Variants in RBP2 observed in about 807,000 individuals in gnomAD.
The protein encoded by RBP2 is retinol-binding protein 2.
A neutral mutation model predicts 17.0 loss-of-function variants in RBP2; 17 were observed. The observed-to-expected ratio is 1.00, with a 90% CI of 0.68 to 1.50. The LOEUF (loss-of-function observed/expected upper bound fraction) is 1.50. Among genes scored for constraint, RBP2 ranks in the 40% most tolerant of loss-of-function variants. The pLI is 0.00. For missense variants in RBP2, 158 were observed against 168.2 expected (o/e 0.94, Z 0.33); for synonymous variants, 48 against 57.1 (o/e 0.84, Z 0.72).
At chr3:139,457,892 G>A (rs1933032620) in intron 2 of RBP2, among the ~76,000 whole-genome samples, 1 of 152,140 alleles carries the variant, frequency 6.6e-6, no homozygotes, top group Non-Finnish European at 1.5e-5. Flanking sequence ...AGCTAACATT[G>A]CTTAAAACAG....
chr3:139,469,468 G>C (rs543801841), intron 1 of RBP2, among the ~76,000 whole-genome samples: 2 of 152,248 alleles, frequency 1.3e-5, no homozygotes, highest in East Asian at 1.9e-4. Context: ...TGCAAGGGGA[G>C]ACTTGTACAA....
chr3:139,454,629 G>C, intron 3 of RBP2, 100 bp downstream of exon 3: 2 of 1,080,576 alleles, frequency 1.9e-6, no homozygotes, highest in Non-Finnish European at 2.8e-6. Context: ...GCTCGGGGTA[G>C]GAGTGCAGGG....
chr3:139,472,409 G>A (rs2107883824), intron 1 of RBP2, among the ~76,000 whole-genome samples: 1 of 152,326 alleles, frequency 6.6e-6, no homozygotes, highest in South Asian at 2.1e-4. Flanking sequence ...TTGAATGCAG[G>A]CAGGCTTGTA....
chr3:139,469,727 A>G (rs916787269), intron 1 of RBP2, among the ~76,000 whole-genome samples: 2 of 150,258 alleles, frequency 1.3e-5, no homozygotes, highest in African/African-American at 2.5e-5. Context: ...CTATCTATCT[A>G]TCTATCTACC....
At chr3:139,468,581 G>A (rs576847872) in intron 1 of RBP2, among the ~76,000 whole-genome samples, 2 of 152,266 alleles carry the variant, frequency 1.3e-5, no homozygotes, top group East Asian at 3.9e-4. Context: ...CCCAGGGAAG[G>A]TAGCCAAATG....
chr3:139,468,008 A>G (rs1933422435), intron 1 of RBP2, among the ~76,000 whole-genome samples: 1 of 152,230 alleles, frequency 6.6e-6, no homozygotes, highest in African/African-American at 2.4e-5. Flanking sequence ...GAGCTGTGCT[A>G]AACCATACTT....
At position 139,465,939 on chromosome 3, in the gene RBP2, C is replaced by T. The variant is rs111699760; in HGVS notation, c.74-3649G>A. On this transcript the variant is annotated intron_variant, in intron 1 of 3. Transcript: ENST00000232217. ...GTGTGGGGAGAGACGAACGGTCTCTCGGCTGCCTTTGGTTCTGTGAATTCC... is the reference window on the plus strand; with the variant it reads ...GTGTGGGGAGAGACGAACGGTCTCTTGGCTGCCTTTGGTTCTGTGAATTCC... Among the ~76,000 whole-genome samples, 6 of 152,260 alleles carry T rather than the reference C, an allele frequency of 3.9e-5. No individual in the cohort carries two copies. In the South Asian group the frequency reaches 8.3e-4, roughly 21 times the overall value.
chr3:139,469,732 T>TCTATCTATCTATCTAC (rs1186144730), intron 1 of RBP2, among the ~76,000 whole-genome samples: 2 of 150,164 alleles, frequency 1.3e-5, no homozygotes, highest in South Asian at 2.1e-4. Context: ...TATCTATCTA[T>TCTATCTATCTATCTAC]CTACCTACTC....
chr3:139,453,277 G>A, intron 3 of RBP2, 111 bp from the exon 4 acceptor site: 1 of 1,194,926 alleles, frequency 8.4e-7, no homozygotes, highest in Non-Finnish European at 1.2e-6. Context: ...AGGACACTTA[G>A]GTATTCTGGG....
chr3:139,453,446 A>G (rs1245247009), intron 3 of RBP2, among the ~76,000 whole-genome samples: 1 of 152,248 alleles, frequency 6.6e-6, no homozygotes, highest in East Asian at 1.9e-4. Flanking sequence ...TTAAAGTAAC[A>G]TGACCTAATT....
At chr3:139,453,201 G>A in intron 3 of RBP2, 35 bp from the exon 4 acceptor site, 1 of 1,613,104 alleles carries the variant, frequency 6.2e-7, no homozygotes, top group Non-Finnish European at 8.5e-7. Context: ...GGTCTAACAA[G>A]CCAGGCCTTT....
intron 1 of RBP2, among the ~76,000 whole-genome samples, chr3:139,470,888 C>T (rs1933543290): frequency 6.6e-6 from 1 of 152,074 alleles, no homozygotes; most frequent in South Asian, 2.1e-4. Flanking sequence ...CACCTGGCTT[C>T]ATGTTCTTGA....
At chr3:139,473,618 T>C (rs896399974) in intron 1 of RBP2, among the ~76,000 whole-genome samples, 2 of 152,152 alleles carry the variant, frequency 1.3e-5, no homozygotes, top group African/African-American at 4.8e-5. Context: ...GACATCTCAG[T>C]GTTGGGAAAG....
intron 1 of RBP2, among the ~76,000 whole-genome samples, chr3:139,471,134 G>A (rs367838236): frequency 5.9e-5 from 9 of 152,048 alleles, no homozygotes; most frequent in East Asian, 1.9e-4. Flanking sequence ...CAGGGAACTC[G>A]TCTCCTCATT....
At chr3:139,453,789 T>G (rs180699501) in intron 3 of RBP2, among the ~76,000 whole-genome samples, 148 of 152,348 alleles carry the variant, frequency 9.7e-4, no homozygotes, top group Non-Finnish European at 1.6e-3. Context: ...TGCAGTTGAC[T>G]GTGAATCCAT....
At chr3:139,464,683 C>A (rs930310793) in intron 1 of RBP2, among the ~76,000 whole-genome samples, 1 of 152,172 alleles carries the variant, frequency 6.6e-6, no homozygotes, top group Non-Finnish European at 1.5e-5. Context: ...GATTACATAC[C>A]TGTATCCTAA....
chr3:139,458,454 T>G (rs1933056253), intron 2 of RBP2, among the ~76,000 whole-genome samples: 1 of 152,248 alleles, frequency 6.6e-6, no homozygotes, highest in South Asian at 2.1e-4. Context: ...TTTCAATTAC[T>G]TATTTTATTA....
chr3:139,472,832 C>G (rs186348379), intron 1 of RBP2, among the ~76,000 whole-genome samples: 1 of 152,202 alleles, frequency 6.6e-6, no homozygotes, highest in Non-Finnish European at 1.5e-5. Context: ...ACCATTTGTG[C>G]ATGGCTGTAA....
intron 1 of RBP2, chr3:139,466,691 A>G (rs553901939): frequency 2.6e-5 from 4 of 152,216 alleles, no homozygotes; most frequent in Non-Finnish European, 4.4e-5. Context: ...ATCAAATTTG[A>G]TGGTGTTTGT....
Sources: allele counts gnomAD v4.1 joint callset (sites outside exome capture counted in the v4.1 genomes callset), GRCh38; gene constraint gnomAD v4.1.1; transcripts MANE v1.5; gene names NCBI Gene and HGNC (gene_info 2026-07-23, HGNC 2026-07-21).